PDE4D: variants seen among roughly 807,000 people sequenced by gnomAD.
PDE4D encodes phosphodiesterase 4D.
In PDE4D, 24 loss-of-function variants were observed where a neutral mutation model predicts 87.4. The ratio of observed to expected loss-of-function variants is 0.27; its 90% confidence interval spans 0.20 to 0.39. The LOEUF (loss-of-function observed/expected upper bound fraction) is 0.39. Among genes scored for constraint, PDE4D ranks in the 10% least tolerant of loss-of-function variants. PDE4D has a pLI of 1.00. For synonymous variants in PDE4D, 384 were observed against 383.2 expected (o/e 1.00, Z -0.02); for missense variants, 714 against 1,041.0 (o/e 0.69, Z 4.32).
chr5:59,601,059 A>T (rs959234832), intron 1 of PDE4D, among the ~76,000 whole-genome samples: 1 of 152,144 alleles, frequency 6.6e-6, no homozygotes, highest in African/African-American at 2.4e-5. Context: ...TCTAGCAAGG[A>T]CCCATTTTAC....
chr5:59,114,952 T>C (rs565499482), intron 5 of PDE4D, among the ~76,000 whole-genome samples: 2 of 151,984 alleles, frequency 1.3e-5, no homozygotes, highest in Non-Finnish European at 2.9e-5. Flanking sequence ...TCAATAGAGA[T>C]ATGTGGTAAT....
intron 6 of PDE4D, among the ~76,000 whole-genome samples, chr5:59,019,616 C>T (rs1356434288): frequency 6.6e-6 from 1 of 152,124 alleles, no homozygotes; most frequent in Non-Finnish European, 1.5e-5. Flanking sequence ...CATGAATACC[C>T]CATCCTACCC....
At chr5:59,401,443 A>ACTAT (rs10705466) in intron 1 of PDE4D, among the ~76,000 whole-genome samples, 23,920 of 127,354 alleles carry the variant, frequency 0.19, 1,948 homozygotes, top group Middle Eastern at 0.23. Context: ...TATATTAGAG[A>ACTAT]CTATCTATCT....
intron 2 of PDE4D, among the ~76,000 whole-genome samples, chr5:60,019,839 C>A (rs750110833): frequency 4.6e-5 from 7 of 152,148 alleles, no homozygotes; most frequent in Non-Finnish European, 8.8e-5. Flanking sequence ...TGGTATTTTT[C>A]AATTTCCTTC....
chr5:59,212,688 A>C lies in PDE4D; in HGVS notation c.647+3089T>G, dbSNP rs112944009. The stretch of plus-strand genomic sequence containing the variant: ...ATCTATCCCAAACTCAGTTTACTAC[A>C]ATTTAAAAAGGTAGAACACATAACT... On this transcript the variant is annotated intron_variant, in intron 2 of 14. Transcript: ENST00000340635. Among the ~76,000 whole-genome samples, 313 of 152,218 alleles carry C rather than the reference A, an allele frequency of 2.1e-3. 2 individuals are homozygous for C. The highest frequency in any genetic ancestry group is 7.1e-3 in the African/African-American group (295 of 41,528).
intron 2 of PDE4D, among the ~76,000 whole-genome samples, chr5:60,020,497 C>T (rs2152852163): frequency 6.6e-6 from 1 of 152,212 alleles, no homozygotes; most frequent in South Asian, 2.1e-4. Flanking sequence ...TTTATGTATA[C>T]ACACATACAC....
chr5:59,976,400 C>T (rs1333376303), intron 3 of PDE4D, among the ~76,000 whole-genome samples: 1 of 152,038 alleles, frequency 6.6e-6, no homozygotes. Flanking sequence ...TGGCTTGGTG[C>T]CCTCCCTGTG....
intron 1 of PDE4D, among the ~76,000 whole-genome samples, chr5:60,407,822 G>A (rs1741688591): frequency 6.6e-6 from 1 of 151,990 alleles, no homozygotes; most frequent in South Asian, 2.1e-4. Flanking sequence ...TTAAAACATG[G>A]CTGCAAAATT....
Position 59,071,683 on chromosome 5 carries a change from C to CTTTTTTTTTTTT in PDE4D, c.809-32724_809-32713dup, listed in dbSNP as rs10701223. Among the ~76,000 whole-genome samples the CTTTTTTTTTTTT allele has an allele frequency of 1.6e-4, 13 of 82,404 alleles. 1 individual carries two copies. The highest frequency in any genetic ancestry group is 1.5e-4 in the African/African-American group (3 of 20,144). The allele number at this position is 82,404 out of a possible 152,430, so 54.1% of individuals were successfully genotyped here. A position where few individuals can be genotyped will look rare whatever the true frequency, so the allele number is the denominator to read the frequency against. On this transcript the variant is annotated intron_variant, in intron 5 of 14. Coordinates refer to ENST00000340635, the MANE Select transcript of PDE4D (RefSeq NM_001104631.2). ...ACATCTGTACTTTTTTATTTCTCTT[C>CTTTTTTTTTTTT]TTTTTTTTTTTTTTTTTTTTTGAGA...
intron 5 of PDE4D, among the ~76,000 whole-genome samples, chr5:59,099,524 C>T (rs1281788934): frequency 6.6e-6 from 1 of 152,166 alleles, no homozygotes; most frequent in Non-Finnish European, 1.5e-5. Context: ...TACATGGCCA[C>T]TAAATAACCA....
At chr5:59,306,163 C>T (rs1160935920) in intron 1 of PDE4D, among the ~76,000 whole-genome samples, 1 of 152,154 alleles carries the variant, frequency 6.6e-6, no homozygotes, top group African/African-American at 2.4e-5. Context: ...TCTCTTTTAA[C>T]TGCTATTGCT....
chr5:60,145,079 T>C (rs1319651195), intron 2 of PDE4D, among the ~76,000 whole-genome samples: 4 of 152,212 alleles, frequency 2.6e-5, no homozygotes, highest in Non-Finnish European at 5.9e-5. Flanking sequence ...AACTTTATCT[T>C]ATGGGATTGC....
At chr5:59,849,258 T>G (rs936213026) in intron 1 of PDE4D, among the ~76,000 whole-genome samples, 2 of 152,016 alleles carry the variant, frequency 1.3e-5, no homozygotes, top group Non-Finnish European at 2.9e-5. Flanking sequence ...AAAAAATCAT[T>G]ATTTAATAGA....
At chr5:59,952,134 C>G (rs551515568) in intron 3 of PDE4D, among the ~76,000 whole-genome samples, 2 of 152,096 alleles carry the variant, frequency 1.3e-5, no homozygotes, top group East Asian at 3.9e-4. Context: ...CTAAGGGGCT[C>G]TTCCCCCTTC....
At chr5:59,815,629 T>C (rs1421732153) in intron 1 of PDE4D, among the ~76,000 whole-genome samples, 2 of 152,208 alleles carry the variant, frequency 1.3e-5, no homozygotes, top group Non-Finnish European at 2.9e-5. Context: ...CATGCAATTG[T>C]TAGCTAGTGT....
intron 3 of PDE4D, among the ~76,000 whole-genome samples, chr5:59,189,494 A>G (rs10045878): frequency 0.57 from 86,518 of 151,842 alleles, 24,959 homozygotes; most frequent in Middle Eastern, 0.62. Flanking sequence ...TTAACATTAC[A>G]CACTTCCACA....
At chr5:59,841,354 ACTTC>A (rs1443211321) in intron 1 of PDE4D, among the ~76,000 whole-genome samples, 2 of 152,012 alleles carry the variant, frequency 1.3e-5, no homozygotes, top group Non-Finnish European at 2.9e-5. Context: ...CTCCTTTTAG[ACTTC>A]CTTATTTGTT....
At chr5:59,099,921 G>T (rs756370930) in intron 5 of PDE4D, among the ~76,000 whole-genome samples, 8 of 152,172 alleles carry the variant, frequency 5.3e-5, no homozygotes, top group Non-Finnish European at 1.2e-4. Flanking sequence ...AGCACTTTGA[G>T]ATACATTATT....
At chr5:60,057,401 A>G (rs1262821839) in intron 2 of PDE4D, among the ~76,000 whole-genome samples, 1 of 152,036 alleles carries the variant, frequency 6.6e-6, no homozygotes, top group African/African-American at 2.4e-5. Flanking sequence ...ATGAAAAAAT[A>G]AAAAGAGTAA....
Sources: allele counts gnomAD v4.1 joint callset (sites outside exome capture counted in the v4.1 genomes callset), GRCh38; gene constraint gnomAD v4.1.1; transcripts MANE v1.5; gene names NCBI Gene and HGNC (gene_info 2026-07-23, HGNC 2026-07-21).